The following KCNN2 variants were observed in gnomAD, a reference collection of about 807,000 sequenced individuals.
KCNN2 encodes the protein potassium calcium-activated channel subfamily N member 2.
A neutral mutation model predicts 55.5 loss-of-function variants in KCNN2; 24 were observed. The observed-to-expected ratio is 0.43, with a 90% CI of 0.31 to 0.61. The LOEUF (loss-of-function observed/expected upper bound fraction) is 0.61, where lower values mean the gene tolerates loss of function less well. KCNN2 is among the 20% of genes least tolerant of loss of function. The probability of loss-of-function intolerance (pLI) is 0.08; values close to 1 mark genes in which losing one functional copy is unlikely to be tolerated. For missense variants in KCNN2, 754 were observed against 853.6 expected (o/e 0.88, Z 1.45); for synonymous variants, 431 against 336.1 (o/e 1.28, Z -3.09).
At chr5:114,326,862 G>A (rs1756724593) in intron 2 of KCNN2, among the ~76,000 whole-genome samples, 1 of 152,114 alleles carries the variant, frequency 6.6e-6, no homozygotes, top group African/African-American at 2.4e-5. Flanking sequence ...ACCACATTCT[G>A]TTCTGTTGCT....
chr5:114,376,194 GC>G (rs979457534), intron 2 of KCNN2, among the ~76,000 whole-genome samples: 2 of 151,984 alleles, frequency 1.3e-5, no homozygotes, highest in African/African-American at 4.8e-5. Flanking sequence ...TGCTTCAGTG[GC>G]AGCTATTTAG....
chr5:114,251,862 TTTTTTCTTTTTC>T (rs1012734446), intron 2 of KCNN2, among the ~76,000 whole-genome samples: 1 of 150,954 alleles, frequency 6.6e-6, no homozygotes, highest in Non-Finnish European at 1.5e-5. Context: ...GGTTTTTCTG[TTTTTTCTTTTTC>T]TTTTTCTTTT....
chr5:114,394,702 G>A (rs1476086701), intron 2 of KCNN2, among the ~76,000 whole-genome samples: 1 of 152,100 alleles, frequency 6.6e-6, no homozygotes, highest in East Asian at 1.9e-4. Context: ...TCTCCAGGTG[G>A]TTACTTAGTT....
At chr5:114,452,947 C>T (rs1037980872) in intron 3 of KCNN2, among the ~76,000 whole-genome samples, 2 of 152,144 alleles carry the variant, frequency 1.3e-5, no homozygotes, top group African/African-American at 4.8e-5. Context: ...CAAATGAAAA[C>T]TACATGCACA....
intron 2 of KCNN2, among the ~76,000 whole-genome samples, chr5:114,388,128 CATA>C (rs1304399306): frequency 3.9e-5 from 6 of 152,152 alleles, no homozygotes; most frequent in Non-Finnish European, 1.5e-5. Flanking sequence ...TTGTACTCAA[CATA>C]ATGTTTTGGA....
chr5:114,283,290 T>C (rs936416000), intron 2 of KCNN2, among the ~76,000 whole-genome samples: 2 of 152,184 alleles, frequency 1.3e-5, no homozygotes, highest in Non-Finnish European at 2.9e-5. Context: ...ATAAATCATC[T>C]AGTTTATTAA....
In KCNN2 at chr5:114,307,564, A is replaced by G. The variant is rs138039144; in HGVS notation, c.-184-53381A>G. ...TGCCATGGTCACATCTCTTATAGTA[A>G]ACTGTGTCCTATAGGAGACAACTCT... On this transcript the variant is annotated intron_variant, in intron 2 of 10. Transcript: ENST00000512097. Among the ~76,000 whole-genome samples, 6 of 152,220 alleles carry G rather than the reference A, an allele frequency of 3.9e-5. No homozygotes were observed. In the East Asian group the frequency reaches 9.7e-4, roughly 25 times the overall value.
intron 1 of KCNN2, among the ~76,000 whole-genome samples, chr5:114,145,209 T>C (rs1284542025): frequency 1.3e-5 from 2 of 152,210 alleles, no homozygotes; most frequent in Non-Finnish European, 2.9e-5. Context: ...TTGTAAGTAA[T>C]ATTATAGAGA....
intron 1 of KCNN2, among the ~76,000 whole-genome samples, chr5:114,091,807 T>C (rs964129336): frequency 2.0e-5 from 3 of 152,140 alleles, no homozygotes; most frequent in African/African-American, 7.2e-5. Context: ...GAACTCACTA[T>C]AATGAGAACA....
intron 3 of KCNN2, among the ~76,000 whole-genome samples, chr5:114,409,505 A>G (rs1208081447): frequency 1.3e-5 from 2 of 152,140 alleles, no homozygotes; most frequent in Non-Finnish European, 2.9e-5. Flanking sequence ...TTGGATTTGA[A>G]TGAATCCTAC....
At chr5:114,148,813 C>G (rs1055399768) in intron 1 of KCNN2, among the ~76,000 whole-genome samples, 21 of 152,020 alleles carry the variant, frequency 1.4e-4, no homozygotes, top group African/African-American at 4.8e-4. Flanking sequence ...GATCAAATTC[C>G]TCATCATGAT....
intron 1 of KCNN2, among the ~76,000 whole-genome samples, chr5:114,064,659 A>G (rs1269997253): frequency 6.6e-6 from 1 of 152,198 alleles, no homozygotes; most frequent in Non-Finnish European, 1.5e-5. Flanking sequence ...TTTGGGTAGC[A>G]TGTTATGGAA....
intron 3 of KCNN2, among the ~76,000 whole-genome samples, chr5:114,446,476 G>A (rs967686345): frequency 6.6e-6 from 1 of 151,996 alleles, no homozygotes; most frequent in Non-Finnish European, 1.5e-5. Flanking sequence ...TTTATTTTTT[G>A]AGACAGAGTC....
intron 2 of KCNN2, among the ~76,000 whole-genome samples, chr5:114,293,817 G>A (rs1755948548): frequency 6.6e-6 from 1 of 152,060 alleles, no homozygotes; most frequent in Admixed American, 6.6e-5. Flanking sequence ...GAATCCATCT[G>A]GTCCTGGACT....
chr5:114,131,715 A>G (rs10069037), intron 1 of KCNN2, among the ~76,000 whole-genome samples: 4,832 of 152,330 alleles, frequency 0.032, 252 homozygotes, highest in African/African-American at 0.11. Flanking sequence ...ACTGTCTTCT[A>G]CAATGGTTGA....
rs373342150 is a variant in KCNN2, at chr5:114,160,309, C to T, written c.-270-61171C>T. 3.2e-4 allele frequency among the ~76,000 whole-genome samples: 49 copies of T among 152,220 alleles called. No homozygotes were observed. The South Asian group carries it at 6.6e-3, about 21-fold the overall frequency. ...GTTGTTCAGTTTCCATGTAGTTGAG[C>T]GGCTTTGAGTGAGTTTCTTATTCCT... On this transcript the variant is annotated intron_variant, in intron 1 of 10. Coordinates refer to the KCNN2 transcript ENST00000512097.
At position 114,168,198 on chromosome 5, in the gene KCNN2, C is replaced by T. The variant is rs912646074; in HGVS notation, c.-270-53282C>T. ...ATACACACACACACACACACACACA[C>T]ACAACATCTAGGTAGTATGATAAAT... On this transcript the variant is annotated intron_variant, in intron 1 of 10. Coordinates refer to the KCNN2 transcript ENST00000512097. Among the ~76,000 whole-genome samples, 23 of 151,602 alleles carry T rather than the reference C, an allele frequency of 1.5e-4. 1 individual carries two copies. Among genetic ancestry groups the T allele is most frequent in the Admixed American group, 5.9e-4 (9 of 15,156 alleles).
chr5:114,324,507 T>C (rs1264500186), intron 2 of KCNN2, among the ~76,000 whole-genome samples: 4 of 152,048 alleles, frequency 2.6e-5, no homozygotes, highest in Non-Finnish European at 5.9e-5. Context: ...CCAAGGAAAA[T>C]AGATGGCCTC....
intron 6 of KCNN2, among the ~76,000 whole-genome samples, chr5:114,488,292 T>C (rs1189243544): frequency 6.6e-6 from 1 of 152,164 alleles, no homozygotes; most frequent in Non-Finnish European, 1.5e-5. Flanking sequence ...TGGTAGAGTA[T>C]CTGGCCTTCA....
Sources: gnomAD v4.1 joint callset for allele counts (sites outside exome capture counted in the v4.1 genomes callset) on GRCh38, gnomAD v4.1.1 for gene constraint, MANE v1.5 for transcripts, NCBI Gene and HGNC (gene_info 2026-07-23, HGNC 2026-07-21) for gene names.